ENAH: variants seen among roughly 807,000 people sequenced by gnomAD.
ENAH encodes protein enabled homolog.
ENAH carries 23 observed loss-of-function variants against 78.7 expected under a neutral mutation model. The observed-to-expected ratio is 0.29, with a 90% CI of 0.21 to 0.41. The LOEUF is 0.41. ENAH is among the 10% of genes least tolerant of loss of function. The pLI is 1.00. For missense variants in ENAH, 544 were observed against 691.0 expected, an observed-to-expected ratio of 0.79 and a Z score of 2.39; for synonymous variants, 226 against 241.0, an observed-to-expected ratio of 0.94 and a Z score of 0.58.
At chr1:225,626,415 G>A (rs1284189525) in intron 1 of ENAH, among the ~76,000 whole-genome samples, 1 of 152,210 alleles carries the variant, frequency 6.6e-6, no homozygotes, top group Non-Finnish European at 1.5e-5. Context: ...TGCAAGGTGG[G>A]GCCTTTGGGA....
chr1:225,613,411 C>A (rs2097002926), intron 1 of ENAH, among the ~76,000 whole-genome samples: 1 of 152,162 alleles, frequency 6.6e-6, no homozygotes, highest in Non-Finnish European at 1.5e-5. Flanking sequence ...ACCATTTCCC[C>A]AGGGCAGAGA....
intron 1 of ENAH, among the ~76,000 whole-genome samples, chr1:225,588,316 G>A (rs1333890952): frequency 6.6e-6 from 1 of 152,138 alleles, no homozygotes; most frequent in East Asian, 1.9e-4. Context: ...AAAACATTGG[G>A]CAAATAAGTT....
intron 1 of ENAH, among the ~76,000 whole-genome samples, chr1:225,650,627 G>C (rs1662779218): frequency 6.6e-6 from 1 of 151,916 alleles, no homozygotes; most frequent in Non-Finnish European, 1.5e-5. Flanking sequence ...GAAGCTGGTG[G>C]ATCACGAGGT....
intron 1 of ENAH, among the ~76,000 whole-genome samples, chr1:225,609,367 T>C (rs1307457860): frequency 4.0e-5 from 6 of 151,030 alleles, no homozygotes; most frequent in Middle Eastern, 3.2e-3. Flanking sequence ...CATATTAAAA[T>C]AGTACACAGC....
rs1663286447 is a variant in ENAH, at chr1:225,652,757, G to T, written c.-67C>A. The T allele has an allele frequency of 2.3e-6, 3 of 1,279,124 alleles. No homozygotes were observed. The highest frequency in any genetic ancestry group is 8.2e-5 in the Admixed American group (2 of 24,368). 79.2% of individuals were successfully genotyped at this position (1,279,124 alleles called of 1,614,324 possible). On this transcript the variant is annotated 5_prime_UTR_variant, in exon 1 of 14. Coordinates refer to ENST00000366843, the MANE Select transcript of ENAH (RefSeq NM_018212.6). Reference sequence around the variant, plus strand: ...CAGAAGGCGCCGAGCCGAGGGGGGGGTCTCTCCTCCAGGGGTGGGGAGCAG... The same window carrying T: ...CAGAAGGCGCCGAGCCGAGGGGGGGTTCTCTCCTCCAGGGGTGGGGAGCAG...
At chr1:225,594,772 AAAT>A (rs1445567664) in intron 1 of ENAH, among the ~76,000 whole-genome samples, 1 of 152,232 alleles carries the variant, frequency 6.6e-6, no homozygotes, top group Admixed American at 6.5e-5. Context: ...CTTTCAATGA[AAAT>A]AATACGCAAT....
chr1:225,650,792 G>A (rs1662819846), intron 1 of ENAH, among the ~76,000 whole-genome samples: 1 of 143,158 alleles, frequency 7.0e-6, no homozygotes, highest in Non-Finnish European at 1.5e-5. Context: ...GGAGGTTGCA[G>A]TGAGCCGAGA....
intron 1 of ENAH, among the ~76,000 whole-genome samples, chr1:225,586,488 TCATGAGACCAGCGTGATC>T (rs565790339): frequency 6.3e-4 from 96 of 152,250 alleles, no homozygotes; most frequent in African/African-American, 2.2e-3. Context: ...CCAGCTTGAT[TCATGAGACCAGCGTGATC>T]CCAACATGAA....
intron 1 of ENAH, among the ~76,000 whole-genome samples, chr1:225,581,005 C>T (rs1048143629): frequency 8.2e-6 from 1 of 121,368 alleles, no homozygotes; most frequent in Non-Finnish European, 1.8e-5. Flanking sequence ...TCAGATTCTT[C>T]GTCTGGCCAC....
chr1:225,511,739 G>T, intron 10 of ENAH, 72 bp downstream of exon 10: 2 of 1,108,532 alleles, frequency 1.8e-6, no homozygotes, highest in South Asian at 1.5e-5. Context: ...GGGGAAAGGG[G>T]GAATTTTTAA....
chr1:225,516,984 C>T (rs1663884365), intron 6 of ENAH, among the ~76,000 whole-genome samples: 1 of 150,552 alleles, frequency 6.6e-6, no homozygotes, highest in South Asian at 2.1e-4. Context: ...AAACCTAGTT[C>T]AATAAGGAAA....
chr1:225,514,587 G>A lies in ENAH; in HGVS notation c.1218+9C>T, dbSNP rs1465029680. On this transcript the variant is annotated intron_variant, in intron 7 of 13. Coordinates refer to ENST00000366843, the MANE Select transcript of ENAH (RefSeq NM_018212.6). The stretch of plus-strand genomic sequence containing the variant: ...ACATATTAAAAAAATTTTTCAGAAA[G>A]GTATTTACCCGTGACACTTTCCTAA... 2 of 1,609,730 alleles carry A rather than the reference G, an allele frequency of 1.2e-6. No homozygotes were observed. The highest frequency in any genetic ancestry group is 1.1e-5 in the South Asian group (1 of 90,756).
chr1:225,552,105 T>A (rs892996937), intron 3 of ENAH, among the ~76,000 whole-genome samples: 2 of 151,356 alleles, frequency 1.3e-5, no homozygotes, highest in Non-Finnish European at 2.9e-5. Flanking sequence ...CGTAAGAAAT[T>A]ATATCTATTC....
At chr1:225,545,715 T>G (rs1205168023) in intron 3 of ENAH, among the ~76,000 whole-genome samples, 1 of 152,098 alleles carries the variant, frequency 6.6e-6, no homozygotes, top group Non-Finnish European at 1.5e-5. Context: ...ATGAAGAAGA[T>G]CCTTGAAACG....
At chr1:225,643,286 G>A (rs761922966) in intron 1 of ENAH, among the ~76,000 whole-genome samples, 1 of 152,074 alleles carries the variant, frequency 6.6e-6, no homozygotes, top group Non-Finnish European at 1.5e-5. Context: ...AATAGTTCAG[G>A]TAAGAGATAA....
chr1:225,613,334 T>C (rs1057134870), intron 1 of ENAH, among the ~76,000 whole-genome samples: 1 of 152,188 alleles, frequency 6.6e-6, no homozygotes, highest in African/African-American at 2.4e-5. Context: ...AACAGACTTA[T>C]TGGTACATCC....
intron 1 of ENAH, among the ~76,000 whole-genome samples, chr1:225,642,575 T>TGGGAGGATCACTTGAGCCC (rs1004430516): frequency 6.6e-6 from 1 of 151,882 alleles, no homozygotes; most frequent in Non-Finnish European, 1.5e-5. Context: ...GAAGCTGAGG[T>TGGGAGGATCACTTGAGCCC]GGGAGGATCA....
rs2096817529 is a variant in ENAH at position 225,581,491 on chromosome 1, G to T, written c.6-14077C>A. On this transcript the variant is annotated intron_variant, in intron 1 of 13. Transcript: ENST00000366843. ...ACTTCTTATATTTTTATTTTGCAAG[G>T]TTATTAATTTCAATGAATGAATAGT... 2.0e-5 allele frequency among the ~76,000 whole-genome samples: 3 copies of T among 152,002 alleles called. No individual in the cohort carries two copies. The South Asian group carries it at 6.2e-4, about 32-fold the overall frequency.
intron 4 of ENAH, among the ~76,000 whole-genome samples, chr1:225,529,159 G>C (rs1473183870): frequency 6.6e-6 from 1 of 152,196 alleles, no homozygotes; most frequent in African/African-American, 2.4e-5. Context: ...TCATGCCTAT[G>C]TTCAAAACTG....
Sources: allele counts gnomAD v4.1 joint callset (sites outside exome capture counted in the v4.1 genomes callset), GRCh38; gene constraint gnomAD v4.1.1; transcripts MANE v1.5; gene names NCBI Gene and HGNC (gene_info 2026-07-23, HGNC 2026-07-21).